The following LRFN2 variants were observed in gnomAD, a reference collection of about 807,000 sequenced individuals.
The protein encoded by LRFN2 is leucine rich repeat and fibronectin type III domain containing 2.
In LRFN2, 18 loss-of-function variants were observed where a neutral mutation model predicts 37.3. That is an observed-to-expected ratio of 0.48 (90% CI 0.33 to 0.72). The LOEUF is 0.72. Among genes scored for constraint, LRFN2 ranks in the 30% least tolerant of loss-of-function variants. The probability of loss-of-function intolerance (pLI) is 0.02; values close to 1 mark genes in which losing one functional copy is unlikely to be tolerated. For missense variants in LRFN2, 1,006 were observed against 1,060.7 expected (o/e 0.95, Z 0.72); for synonymous variants, 556 against 466.6 (o/e 1.19, Z -2.47).
intron 1 of LRFN2, among the ~76,000 whole-genome samples, chr6:40,528,218 C>T (rs1208299573): frequency 1.3e-5 from 2 of 152,242 alleles, no homozygotes; most frequent in Non-Finnish European, 2.9e-5. Context: ...CACATGTCCT[C>T]CCTAACTCCA....
chr6:40,483,556 C>T (rs1326922723), intron 1 of LRFN2, among the ~76,000 whole-genome samples: 1 of 152,214 alleles, frequency 6.6e-6, no homozygotes, highest in East Asian at 1.9e-4. Flanking sequence ...TTATTGTGTG[C>T]CAGTCTCTAT....
intron 1 of LRFN2, among the ~76,000 whole-genome samples, chr6:40,532,349 C>T (rs750836532): frequency 5.1e-4 from 77 of 152,176 alleles, no homozygotes; most frequent in Non-Finnish European, 1.0e-3. Context: ...TAATCACATG[C>T]CCCCTAATAG....
At chr6:40,441,020 G>A (rs1763823421) in intron 1 of LRFN2, among the ~76,000 whole-genome samples, 2 of 152,164 alleles carry the variant, frequency 1.3e-5, no homozygotes, top group Admixed American at 6.5e-5. Context: ...CTGTAGAAAC[G>A]TGAGATGCAG....
At chr6:40,405,313 A>G (rs759867691) in intron 2 of LRFN2, among the ~76,000 whole-genome samples, 3 of 152,092 alleles carry the variant, frequency 2.0e-5, no homozygotes, top group African/African-American at 7.2e-5. Flanking sequence ...TAGGGTTCCA[A>G]TCCTGGTTTT....
At chr6:40,460,728 C>T (rs1165763046) in intron 1 of LRFN2, among the ~76,000 whole-genome samples, 1 of 152,040 alleles carries the variant, frequency 6.6e-6, no homozygotes, top group African/African-American at 2.4e-5. Flanking sequence ...CCAGAAAGCC[C>T]CCTCCATAGC....
chr6:40,414,456 C>T (rs1273498833), intron 2 of LRFN2, among the ~76,000 whole-genome samples: 1 of 152,182 alleles, frequency 6.6e-6, no homozygotes, highest in Non-Finnish European at 1.5e-5. Context: ...ATTAAATGAG[C>T]TAATAAACAG....
At position 40,392,941 on chromosome 6, in the gene LRFN2, A is replaced by AGGGGTGGTGGGGTGGAAGGAC; in HGVS notation, c.1401-50_1401-30dup. On this transcript the variant is annotated intron_variant, in intron 2 of 2. Transcript: ENST00000338305. The surrounding 1 kb of genome is among the most constrained non-coding windows in gnomAD (Gnocchi z 4.7). ...GGGAGGGAGGTGGACAGAAATAGTG[A>AGGGGTGGTGGGGTGGAAGGAC]GGGGTGGTGGGGTGGAAGGACAGGG... The AGGGGTGGTGGGGTGGAAGGAC allele has an allele frequency of 7.8e-7, 1 of 1,274,750 alleles. No homozygotes were observed. Among genetic ancestry groups the AGGGGTGGTGGGGTGGAAGGAC allele is most frequent in the Admixed American group, 2.3e-5 (1 of 42,628 alleles). 79.0% of individuals were successfully genotyped at this position (1,274,750 alleles called of 1,614,324 possible). A position where few individuals can be genotyped will look rare whatever the true frequency, so the allele number is the denominator to read the frequency against.
chr6:40,412,364 G>GT (rs1762990138), intron 2 of LRFN2, among the ~76,000 whole-genome samples: 4 of 152,130 alleles, frequency 2.6e-5, no homozygotes, highest in Admixed American at 2.6e-4. Context: ...AAGATTTTTG[G>GT]TTTTTTAAAT....
At chr6:40,462,182 G>T (rs972922625) in intron 1 of LRFN2, among the ~76,000 whole-genome samples, 6 of 152,316 alleles carry the variant, frequency 3.9e-5, no homozygotes, top group Non-Finnish European at 2.9e-5. Context: ...CAGAGGCGAA[G>T]TATTAAGTCT....
intron 2 of LRFN2, among the ~76,000 whole-genome samples, chr6:40,420,767 G>T (rs1033900612): frequency 6.6e-6 from 1 of 152,244 alleles, no homozygotes; most frequent in South Asian, 2.1e-4. Context: ...CTTTAAAGTG[G>T]TTGGTGCCTG....
chr6:40,423,536 T>C (rs78991321), intron 2 of LRFN2, among the ~76,000 whole-genome samples: 3,222 of 152,288 alleles, frequency 0.021, 116 homozygotes, highest in African/African-American at 0.073. Flanking sequence ...AAAATAAAGA[T>C]GGAGAGCAAT....
At position 40,392,545 on chromosome 6, in the gene LRFN2, C is replaced by T. The variant is rs755381096; in HGVS notation, c.1768G>A (p.Ala590Thr). 6.3e-7 allele frequency: 1 copy of T among 1,582,850 alleles called. No homozygotes were observed. The change falls in exon 3 of 3, where the codon GCA becomes ACA. Residue 590 changes from alanine (A) to threonine (T), a missense_variant. Physicochemically the swap from Ala to Thr is moderately conservative, Grantham distance 58 (BLOSUM62 0). Coordinates refer to ENST00000338305, the MANE Select transcript of LRFN2 (RefSeq NM_020737.3). The surrounding 1 kb of genome is among the most constrained non-coding windows in gnomAD (Gnocchi z 4.7). The part of the protein sequence containing the change: ...NGAQPPPPSS[A>T]PAGAPPQGPP... ...CCCTGCGGCGGGGCCCCGGCTGGTGCGCTGCTTGGAGGCGGTGGCTGGGCG... is the reference window on the plus strand; with the variant it reads ...CCCTGCGGCGGGGCCCCGGCTGGTGTGCTGCTTGGAGGCGGTGGCTGGGCG...
At chr6:40,480,110 C>T (rs774438140) in intron 1 of LRFN2, among the ~76,000 whole-genome samples, 1 of 152,152 alleles carries the variant, frequency 6.6e-6, no homozygotes, top group Non-Finnish European at 1.5e-5. Context: ...AAGAACTTTG[C>T]ATATATTAAC....
rs564643460 is a variant in LRFN2, at chr6:40,451,499, C to G, written c.-18-18368G>C. Reference sequence around the variant, plus strand: ...GGGAAGGGACGAGACAAGCTCTTCCCCTGGGGGAAGCAGCATCTTCTGCTT... The same window carrying G: ...GGGAAGGGACGAGACAAGCTCTTCCGCTGGGGGAAGCAGCATCTTCTGCTT... On this transcript the variant is annotated intron_variant, in intron 1 of 2. Transcript: ENST00000338305. Among the ~76,000 whole-genome samples the G allele has an allele frequency of 4.6e-5, 7 of 152,302 alleles. No individual in the cohort carries two copies. The South Asian group carries it at 1.2e-3, about 27-fold the overall frequency.
chr6:40,485,636 G>A (rs537683708), intron 1 of LRFN2, among the ~76,000 whole-genome samples: 1 of 152,298 alleles, frequency 6.6e-6, no homozygotes, highest in South Asian at 2.1e-4. Flanking sequence ...TGCCCCCGAG[G>A]TCTTGAACAG....
intron 1 of LRFN2, among the ~76,000 whole-genome samples, chr6:40,492,098 C>T (rs1765106851): frequency 6.6e-6 from 1 of 152,238 alleles, no homozygotes; most frequent in Admixed American, 6.5e-5. Flanking sequence ...GTGTGTTTCC[C>T]TCTCTGGAAA....
chr6:40,492,606 G>C (rs986415387), intron 1 of LRFN2, among the ~76,000 whole-genome samples: 1 of 152,158 alleles, frequency 6.6e-6, no homozygotes, highest in Admixed American at 6.5e-5. Context: ...ACCAGCCTGG[G>C]GTTTACAGGA....
At chr6:40,585,813 C>A (rs1339365978) in intron 1 of LRFN2, among the ~76,000 whole-genome samples, 1 of 152,050 alleles carries the variant, frequency 6.6e-6, no homozygotes, top group Admixed American at 6.5e-5. Flanking sequence ...ACAGCTGCCA[C>A]CTCCCTGAAA....
intron 1 of LRFN2, among the ~76,000 whole-genome samples, chr6:40,455,072 A>C (rs1345326965): frequency 6.6e-6 from 1 of 152,196 alleles, no homozygotes; most frequent in Non-Finnish European, 1.5e-5. Flanking sequence ...TTTAAATTTA[A>C]ATCTATTGCT....
Sources: allele counts gnomAD v4.1 joint callset (sites outside exome capture counted in the v4.1 genomes callset), GRCh38; gene constraint gnomAD v4.1.1; non-coding constraint Gnocchi (gnomAD v3.1); transcripts MANE v1.5; gene names NCBI Gene and HGNC (gene_info 2026-07-23, HGNC 2026-07-21).